The following NAT1 variants were observed in gnomAD, a reference collection of about 807,000 sequenced individuals.
NAT1 encodes arylamine N-acetyltransferase 1.
For synonymous variants in NAT1, 144 were observed against 122.6 expected, an observed-to-expected ratio of 1.17 and a Z score of -1.16; for missense variants, 400 against 339.2, an observed-to-expected ratio of 1.18 and a Z score of -1.41.
At chr8:18,208,573 C>T (rs757293564), upstream of NAT1, among the ~76,000 whole-genome samples, 2 of 152,188 alleles carry the variant, frequency 1.3e-5, no homozygotes, top group African/African-American at 2.4e-5. Context: ...CCAAATAGAA[C>T]CTTCCAGTAC....
intron 2 of NAT1, among the ~76,000 whole-genome samples, chr8:18,192,019 C>T (rs920454521): frequency 1.3e-5 from 2 of 151,426 alleles, no homozygotes; most frequent in Non-Finnish European, 3.0e-5. Context: ...AGCTTCTGCA[C>T]AGCAAAAGAA....
At chr8:18,212,461 G>T (rs1234449157) in intron 1 of NAT1, 2 of 152,262 alleles carry the variant, frequency 1.3e-5, no homozygotes, top group Non-Finnish European at 2.9e-5. Context: ...AAGAATCCAT[G>T]TGTGTGTGAC....
intron 2 of NAT1, among the ~76,000 whole-genome samples, chr8:18,186,329 A>C (rs17515914): frequency 3.5e-4 from 54 of 152,220 alleles, no homozygotes; most frequent in Middle Eastern, 3.4e-3. Flanking sequence ...AATTAATGTC[A>C]TTATGAAGTG....
chr8:18,198,726 G>A (rs1803339371), intron 2 of NAT1, among the ~76,000 whole-genome samples: 1 of 152,052 alleles, frequency 6.6e-6, no homozygotes, highest in Non-Finnish European at 1.5e-5. Flanking sequence ...CCATAATAAA[G>A]CTAAGTAGCA....
intron 2 of NAT1, among the ~76,000 whole-genome samples, chr8:18,200,470 T>C (rs1400999564): frequency 4.6e-5 from 7 of 152,138 alleles, no homozygotes; most frequent in Non-Finnish European, 1.0e-4. Flanking sequence ...CACTTATAAG[T>C]TGGCACTAAA....
rs897562928 is a variant in NAT1 at position 18,173,145 on chromosome 8, T to C, written n.92+2406T>C. Among the ~76,000 whole-genome samples, 601 of 110,714 alleles carry C rather than the reference T, an allele frequency of 5.4e-3. 4 individuals are homozygous for C. Among genetic ancestry groups the C allele is most frequent in the African/African-American group, 0.025 (575 of 23,228 alleles). The allele number at this position is 110,714 out of a possible 152,430, so 72.6% of individuals were successfully genotyped here. A position where few individuals can be genotyped will look rare whatever the true frequency, so the allele number is the denominator to read the frequency against. ...GTTAGAGCACACGTGCACACAGAGA[T>C]GCACACACACACACACACACACACA... On this transcript the variant is annotated intron_variant and non_coding_transcript_variant, in intron 2 of 4. Transcript: ENST00000517441.
intron 1 of NAT1, among the ~76,000 whole-genome samples, chr8:18,218,099 T>C (rs1269042386): frequency 6.6e-6 from 1 of 152,212 alleles, no homozygotes; most frequent in Non-Finnish European, 1.5e-5. Context: ...AAAGGAGTTT[T>C]ACCGTTTCCT....
intron 2 of NAT1, among the ~76,000 whole-genome samples, chr8:18,185,982 A>C (rs1802717239): frequency 6.6e-6 from 1 of 152,066 alleles, no homozygotes; most frequent in South Asian, 2.1e-4. Flanking sequence ...ATTGGTTTCT[A>C]GTTTAATTGC....
chr8:18,201,438 C>T (rs1803459523), intron 2 of NAT1, among the ~76,000 whole-genome samples: 1 of 152,102 alleles, frequency 6.6e-6, no homozygotes, highest in Non-Finnish European at 1.5e-5. Flanking sequence ...ATCATATGGT[C>T]CCACACTACC....
chr8:18,188,619 A>C (rs1370657306), intron 2 of NAT1, among the ~76,000 whole-genome samples: 2 of 152,130 alleles, frequency 1.3e-5, no homozygotes, highest in African/African-American at 2.4e-5. Flanking sequence ...AATATAAAGT[A>C]AAAAATAGTG....
intron 2 of NAT1, among the ~76,000 whole-genome samples, chr8:18,220,710 T>C (rs1164485147): frequency 6.6e-6 from 1 of 152,134 alleles, no homozygotes; most frequent in East Asian, 1.9e-4. Context: ...TTCTCACCAA[T>C]AGCTTTGAAT....
At chr8:18,198,673 A>G (rs1803337201) in intron 2 of NAT1, among the ~76,000 whole-genome samples, 1 of 152,236 alleles carries the variant, frequency 6.6e-6, no homozygotes, top group African/African-American at 2.4e-5. Context: ...TTTAAGGTGT[A>G]ACATGTGATG....
intron 1 of NAT1, chr8:18,217,146 C>G (rs982104480): frequency 5.9e-6 from 1 of 169,662 alleles, no homozygotes; most frequent in African/African-American, 2.4e-5. Context: ...ATGATGAGAT[C>G]AGGTTGTTCA....
intron 2 of NAT1, among the ~76,000 whole-genome samples, chr8:18,193,506 A>ATAAT (rs748465170): frequency 0.014 from 1,820 of 132,398 alleles, 44 homozygotes; most frequent in African/African-American, 0.058. Flanking sequence ...ATATATATAT[A>ATAAT]ATATATATAT....
At chr8:18,203,671 A>G (rs889264887) in intron 2 of NAT1, among the ~76,000 whole-genome samples, 1 of 152,176 alleles carries the variant, frequency 6.6e-6, no homozygotes, top group African/African-American at 2.4e-5. Flanking sequence ...CTCCATTGTG[A>G]GCTCTATAAT....
At chr8:18,219,535 G>C (rs772657241) in intron 2 of NAT1, 46 bp downstream of exon 2, 1 of 1,040,792 alleles carries the variant, frequency 9.6e-7, no homozygotes, top group South Asian at 1.5e-5. Context: ...TCCTAAGCAC[G>C]TTCACTCTGC....
At chr8:18,200,325 A>G (rs1316576459) in intron 2 of NAT1, among the ~76,000 whole-genome samples, 1 of 152,180 alleles carries the variant, frequency 6.6e-6, no homozygotes, top group Admixed American at 6.6e-5. Flanking sequence ...GATTAAAAAA[A>G]AATATACAAA....
intron 2 of NAT1, among the ~76,000 whole-genome samples, chr8:18,173,056 C>T (rs1272604720): frequency 6.6e-6 from 1 of 152,046 alleles, no homozygotes; most frequent in Non-Finnish European, 1.5e-5. Flanking sequence ...GTTTTATTGT[C>T]AGGCAGAGAA....
intron 2 of NAT1, among the ~76,000 whole-genome samples, chr8:18,178,718 G>T (rs17594166): frequency 6.6e-6 from 1 of 152,120 alleles, no homozygotes; most frequent in African/African-American, 2.4e-5. Flanking sequence ...AGAGAGGAAG[G>T]AGTAGATAAA....
Sources: gnomAD v4.1 joint callset for allele counts (sites outside exome capture counted in the v4.1 genomes callset) on GRCh38, gnomAD v4.1.1 for gene constraint, MANE v1.5 for transcripts, NCBI Gene and HGNC (gene_info 2026-07-23, HGNC 2026-07-21) for gene names.